Variants in DPP10 observed in about 807,000 individuals in gnomAD.
The protein encoded by DPP10 is dipeptidyl peptidase like 10, also known as inactive dipeptidyl peptidase 10.
Under a neutral mutation model 120.9 loss-of-function variants are expected in DPP10, and 33 were observed. That is an observed-to-expected ratio of 0.27 (90% CI 0.21 to 0.37). DPP10 has a LOEUF of 0.37. DPP10 is among the 10% of genes least tolerant of loss of function. The pLI is 1.00. For synonymous variants in DPP10, 337 were observed against 326.1 expected (o/e 1.03, Z -0.36); for missense variants, 816 against 942.8 (o/e 0.87, Z 1.76).
chr2:114,891,403 C>G (rs1164674246), intron 1 of DPP10, among the ~76,000 whole-genome samples: 4 of 152,080 alleles, frequency 2.6e-5, no homozygotes, highest in Admixed American at 2.0e-4. Context: ...GCTCTCAGGG[C>G]TCTTAGGAGT....
chr2:114,902,895 C>A (rs1291119951), intron 1 of DPP10, among the ~76,000 whole-genome samples: 2 of 152,148 alleles, frequency 1.3e-5, no homozygotes, highest in African/African-American at 4.8e-5. Flanking sequence ...ATGCATCTAT[C>A]ATTATAGTTT....
At chr2:114,515,849 C>A (rs1684554914) in intron 1 of DPP10, among the ~76,000 whole-genome samples, 1 of 151,972 alleles carries the variant, frequency 6.6e-6, no homozygotes, top group East Asian at 1.9e-4. Flanking sequence ...TGGGTCAGTC[C>A]CCAAGATGTT....
chr2:115,556,865 T>A (rs111594193), intron 5 of DPP10, among the ~76,000 whole-genome samples: 2 of 152,070 alleles, frequency 1.3e-5, no homozygotes, highest in African/African-American at 4.8e-5. Context: ...CATAGTAAAG[T>A]TCTAGGATGC....
chr2:114,981,503 G>C (rs922917175), intron 1 of DPP10, among the ~76,000 whole-genome samples: 1 of 152,094 alleles, frequency 6.6e-6, no homozygotes, highest in Non-Finnish European at 1.5e-5. Flanking sequence ...GTAAGAAAAA[G>C]GTCTAAAATG....
chr2:114,806,330 A>G (rs1477262203), intron 1 of DPP10, among the ~76,000 whole-genome samples: 2 of 152,240 alleles, frequency 1.3e-5, no homozygotes, highest in African/African-American at 4.8e-5. Context: ...TTATAAAGCT[A>G]CATCTCAGAA....
chr2:114,599,355 A>G (rs1692181488), intron 1 of DPP10, among the ~76,000 whole-genome samples: 3 of 151,864 alleles, frequency 2.0e-5, no homozygotes, highest in African/African-American at 7.2e-5. Context: ...CTATTACTTT[A>G]AAAAGTGCCT....
chr2:115,093,571 C>T (rs1709461690), intron 1 of DPP10, among the ~76,000 whole-genome samples: 1 of 151,746 alleles, frequency 6.6e-6, no homozygotes, highest in South Asian at 2.1e-4. Context: ...TCATGTAATG[C>T]CTAGGAAATA....
intron 3 of DPP10, among the ~76,000 whole-genome samples, chr2:115,403,080 G>A (rs60325527): frequency 0.018 from 2,738 of 151,076 alleles, 76 homozygotes; most frequent in African/African-American, 0.064. Context: ...AATCAAGTGA[G>A]AGTTATTCTT....
At chr2:115,477,484 A>C (rs1297821737) in intron 3 of DPP10, among the ~76,000 whole-genome samples, 1 of 152,168 alleles carries the variant, frequency 6.6e-6, no homozygotes, top group South Asian at 2.1e-4. Flanking sequence ...AAAAGCTACA[A>C]AGCATTCCTG....
intron 1 of DPP10, among the ~76,000 whole-genome samples, chr2:115,121,318 T>C (rs1347717212): frequency 1.3e-5 from 2 of 152,188 alleles, no homozygotes; most frequent in Non-Finnish European, 2.9e-5. Context: ...TTTTCCCCCA[T>C]TACCCAACAG....
At chr2:115,658,366 T>G (rs547655345) in intron 5 of DPP10, among the ~76,000 whole-genome samples, 182 of 152,238 alleles carry the variant, frequency 1.2e-3, no homozygotes, top group Non-Finnish European at 2.3e-3. Context: ...TCTCCCTTAT[T>G]TATTTAGGTC....
At chr2:114,643,007 C>A (rs1348340165) in intron 1 of DPP10, among the ~76,000 whole-genome samples, 1 of 151,954 alleles carries the variant, frequency 6.6e-6, no homozygotes, top group Non-Finnish European at 1.5e-5. Context: ...AGCTATGAGT[C>A]TTTGAAGACA....
chr2:115,546,199 G>C (rs1022860006), intron 5 of DPP10, among the ~76,000 whole-genome samples: 3 of 152,036 alleles, frequency 2.0e-5, no homozygotes, highest in African/African-American at 7.2e-5. Context: ...TCTATCAAAG[G>C]TAGAACAGCC....
intron 2 of DPP10, among the ~76,000 whole-genome samples, chr2:115,326,419 T>A (rs1218360543): frequency 1.3e-5 from 2 of 152,064 alleles, no homozygotes; most frequent in Non-Finnish European, 2.9e-5. Context: ...ATAATAATGA[T>A]AATAGACTAC....
chr2:114,869,078 A>C (rs1332392625), intron 1 of DPP10, among the ~76,000 whole-genome samples: 1 of 152,166 alleles, frequency 6.6e-6, no homozygotes, highest in East Asian at 1.9e-4. Flanking sequence ...GGTTGGTTTT[A>C]TTTTATTTAA....
At chr2:115,807,114 A>T (rs1351863242) in intron 19 of DPP10, among the ~76,000 whole-genome samples, 1 of 152,242 alleles carries the variant, frequency 6.6e-6, no homozygotes, top group South Asian at 2.1e-4. Flanking sequence ...AGAAAAGATC[A>T]TCAAAGCCTC....
In DPP10 at chr2:115,695,161, AT is replaced by A. The variant is rs2091517467; in HGVS notation, c.576+5242del. On this transcript the variant is annotated intron_variant, in intron 7 of 25. Transcript: ENST00000410059. Reference sequence around the variant, plus strand: ...AAAGGCAACTGAATGTATGGGAGAAATTAGCAAGTCACCATACATGCACAGG... The same window carrying A: ...AAAGGCAACTGAATGTATGGGAGAAATAGCAAGTCACCATACATGCACAGG... 3.3e-5 allele frequency among the ~76,000 whole-genome samples: 5 copies of A among 152,306 alleles called. No homozygotes were observed. In the South Asian group the frequency reaches 1.0e-3, roughly 32 times the overall value.
At chr2:115,451,362 A>G (rs935150585) in intron 3 of DPP10, among the ~76,000 whole-genome samples, 1 of 151,900 alleles carries the variant, frequency 6.6e-6, no homozygotes, top group Non-Finnish European at 1.5e-5. Flanking sequence ...ATGACTGACT[A>G]TACCTTCCAA....
chr2:114,677,813 T>G (rs188910799), intron 1 of DPP10, among the ~76,000 whole-genome samples: 116 of 152,258 alleles, frequency 7.6e-4, no homozygotes, highest in Admixed American at 2.2e-3. Context: ...GAAAACATGT[T>G]TAATCTGATG....
Sources: gnomAD v4.1 joint callset for allele counts (sites outside exome capture counted in the v4.1 genomes callset) on GRCh38, gnomAD v4.1.1 for gene constraint, MANE v1.5 for transcripts, NCBI Gene and HGNC (gene_info 2026-07-23, HGNC 2026-07-21) for gene names.